Variants in RGS6 observed in about 807,000 individuals in gnomAD.
RGS6 encodes the protein regulator of G-protein signaling 6.
In RGS6, 30 loss-of-function variants were observed where a neutral mutation model predicts 78.5. The ratio of observed to expected loss-of-function variants is 0.38; its 90% CI spans 0.29 to 0.52. RGS6 has a LOEUF of 0.52. Ranked by LOEUF, RGS6 falls within the 20% of genes least tolerant of loss-of-function variation. The pLI is 0.85. For synonymous variants in RGS6, 206 were observed against 206.0 expected (o/e 1.00, Z 0.00); for missense variants, 495 against 609.7 (o/e 0.81, Z 1.98).
chr14:71,872,806 C>G, the RGS6 span, among the ~76,000 whole-genome samples: 1 of 152,118 alleles, frequency 6.6e-6, no homozygotes, highest in Admixed American at 6.6e-5. Flanking sequence ...CCCCATCCCA[C>G]GACAGGCCCC....
chr14:72,322,056 G>A (rs1434757926), intron 2 of RGS6, among the ~76,000 whole-genome samples: 1 of 151,876 alleles, frequency 6.6e-6, no homozygotes, highest in East Asian at 1.9e-4. Flanking sequence ...TATCCTATGG[G>A]CTCAACTAAA....
rs200511071 is a variant in RGS6 at position 72,562,500 on chromosome 14, G to A, written c.*33G>A. 75 of 1,609,868 alleles carry A rather than the reference G, an allele frequency of 4.7e-5. No individual in the cohort carries two copies. The highest frequency in any genetic ancestry group is 1.6e-4 in the South Asian group (15 of 91,036). On this transcript the variant is annotated 3_prime_UTR_variant, in exon 18 of 18. Coordinates refer to ENST00000553525, the MANE Select transcript of RGS6 (RefSeq NM_001204424.2). ...TACCGCAGGTCCAGGGCCTGGGCCC[G>A]CGGACCCCACAGGCAGGCGGCGGCG...
intron 2 of RGS6, among the ~76,000 whole-genome samples, chr14:71,968,162 A>G (rs1386603579): frequency 2.0e-5 from 3 of 152,152 alleles, no homozygotes; most frequent in Non-Finnish European, 4.4e-5. Context: ...ATCCTGAGTT[A>G]CTGAATTGCC....
At chr14:72,502,628 G>A (rs180945260) in intron 13 of RGS6, among the ~76,000 whole-genome samples, 50 of 152,300 alleles carry the variant, frequency 3.3e-4, no homozygotes, top group African/African-American at 1.1e-3. Flanking sequence ...GCTGGGCATG[G>A]TGGCAGGCAG....
chr14:71,916,445 C>G, the RGS6 span, among the ~76,000 whole-genome samples: 1 of 150,082 alleles, frequency 6.7e-6, no homozygotes, highest in African/African-American at 2.4e-5. Flanking sequence ...GGTCTCTGTG[C>G]TTTATAAATC....
chr14:72,138,723 T>C (rs948429753), intron 2 of RGS6, among the ~76,000 whole-genome samples: 5 of 152,020 alleles, frequency 3.3e-5, no homozygotes, highest in African/African-American at 1.2e-4. Context: ...CAGCATTAGA[T>C]TCTCATTGGA....
rs533401338 is a variant in RGS6, at chr14:72,490,608, A to G, written c.855-4544A>G. Reference sequence around the variant, plus strand: ...CTATCACAATGGTCCTGAGTGCTCAACAAGCCTGTTATATAACATGATGAA... The same window carrying G: ...CTATCACAATGGTCCTGAGTGCTCAGCAAGCCTGTTATATAACATGATGAA... On this transcript the variant is annotated intron_variant, in intron 12 of 17. Transcript: ENST00000553525. 4.6e-5 allele frequency among the ~76,000 whole-genome samples: 7 copies of G among 152,316 alleles called. No homozygotes were observed. The South Asian group carries it at 1.2e-3, about 27-fold the overall frequency.
chr14:72,223,502 T>TA, intron 2 of RGS6, among the ~76,000 whole-genome samples: 1 of 152,366 alleles, frequency 6.6e-6, no homozygotes, highest in South Asian at 2.1e-4. Flanking sequence ...ATTTGTGTGA[T>TA]AATTTGTTTA....
intron 2 of RGS6, among the ~76,000 whole-genome samples, chr14:72,051,136 C>CA (rs1352718923): frequency 1.3e-5 from 2 of 152,134 alleles, no homozygotes; most frequent in East Asian, 3.9e-4. Context: ...TAGGAGAAGA[C>CA]AACAGCCTCA....
chr14:72,292,357 C>T (rs1410247108), intron 2 of RGS6, among the ~76,000 whole-genome samples: 2 of 152,172 alleles, frequency 1.3e-5, no homozygotes, highest in African/African-American at 2.4e-5. Context: ...AAGTGACAGT[C>T]GCTTCTCTCA....
At chr14:71,907,982 C>T in the RGS6 span, among the ~76,000 whole-genome samples, 1 of 152,168 alleles carries the variant, frequency 6.6e-6, no homozygotes, top group Non-Finnish European at 1.5e-5. Context: ...TCCATCTCTT[C>T]TGAATCTTCA....
chr14:72,384,611 T>C (rs1244049826), intron 3 of RGS6, among the ~76,000 whole-genome samples: 2 of 152,184 alleles, frequency 1.3e-5, no homozygotes, highest in African/African-American at 4.8e-5. Flanking sequence ...GTCAAATCCA[T>C]AGGTGTACTC....
At chr14:72,424,606 T>A (rs1597339432) in intron 3 of RGS6, among the ~76,000 whole-genome samples, 1 of 152,350 alleles carries the variant, frequency 6.6e-6, no homozygotes, top group East Asian at 1.9e-4. Flanking sequence ...AACTTCCTAA[T>A]GAAATGAAAA....
At chr14:71,964,092 G>A (rs2153047678) in intron 1 of RGS6, among the ~76,000 whole-genome samples, 1 of 152,072 alleles carries the variant, frequency 6.6e-6, no homozygotes, top group African/African-American at 2.4e-5. Context: ...TTGTGGTCTG[G>A]ATTTTGATTT....
At chr14:72,480,386 C>A (rs1199936232) in intron 12 of RGS6, among the ~76,000 whole-genome samples, 1 of 152,140 alleles carries the variant, frequency 6.6e-6, no homozygotes, top group African/African-American at 2.4e-5. Context: ...TGTTTCCTTG[C>A]TGTCAGGGAG....
chr14:72,611,013 G>T, the RGS6 span, among the ~76,000 whole-genome samples: 2 of 152,298 alleles, frequency 1.3e-5, no homozygotes, highest in Non-Finnish European at 1.5e-5. Context: ...CAGACTCACA[G>T]CCAAGCCTTG....
At chr14:72,487,366 G>T (rs1055510577) in intron 12 of RGS6, among the ~76,000 whole-genome samples, 4 of 152,160 alleles carry the variant, frequency 2.6e-5, no homozygotes, top group South Asian at 4.1e-4. Flanking sequence ...TACACCTGTG[G>T]TAGGCAGAAT....
intron 2 of RGS6, among the ~76,000 whole-genome samples, chr14:72,131,906 G>A (rs1019275894): frequency 6.6e-6 from 1 of 152,202 alleles, no homozygotes; most frequent in Admixed American, 6.5e-5. Flanking sequence ...AGTTTGAATT[G>A]TGGTTATACT....
chr14:72,243,336 C>A lies in RGS6; in HGVS notation c.85-108759C>A, dbSNP rs907220609. The stretch of plus-strand genomic sequence containing the variant: ...TCTGGCAAATCTCAGTTTCTTGAAT[C>A]TCAGTTCCTTGAATCTTGACTTTTG... On this transcript the variant is annotated intron_variant, in intron 2 of 17. Transcript: ENST00000553525. 1.4e-4 allele frequency among the ~76,000 whole-genome samples: 4 copies of A among 27,740 alleles called. No individual in the cohort carries two copies. In the East Asian group the frequency reaches 2.3e-3, roughly 16 times the overall value. 18.2% of individuals were successfully genotyped at this position (27,740 alleles called of 152,430 possible).
Sources: allele counts gnomAD v4.1 joint callset (sites outside exome capture counted in the v4.1 genomes callset), GRCh38; gene constraint gnomAD v4.1.1; transcripts MANE v1.5; gene names NCBI Gene and HGNC (gene_info 2026-07-23, HGNC 2026-07-21).